The following CEP89 variants were observed in gnomAD, a reference collection of about 807,000 sequenced individuals.
The protein encoded by CEP89 is centrosomal protein of 89 kDa.
CEP89 carries 95 observed loss-of-function variants against 97.6 expected under a neutral mutation model. The ratio of observed to expected loss-of-function variants is 0.97; its 90% CI spans 0.82 to 1.15. The LOEUF (loss-of-function observed/expected upper bound fraction) is 1.15. Ranked by LOEUF, CEP89 falls within the 50% of genes most tolerant of loss-of-function variation. CEP89 has a pLI of 0.00. For missense variants in CEP89, 869 were observed against 947.7 expected, an observed-to-expected ratio of 0.92 and a Z score of 1.09; for synonymous variants, 354 against 349.1, an observed-to-expected ratio of 1.01 and a Z score of -0.16.
chr19:32,959,811 G>T, intron 3 of CEP89, 89 bp downstream of exon 3: 1 of 1,416,530 alleles, frequency 7.1e-7, no homozygotes, highest in Non-Finnish European at 9.8e-7. Flanking sequence ...GCACACACAT[G>T]TACGCATGCA....
At chr19:32,915,213 CTT>C (rs1970095926) in intron 14 of CEP89, 122 bp downstream of exon 14, 1 of 889,098 alleles carries the variant, frequency 1.1e-6, no homozygotes, top group Non-Finnish European at 1.6e-6. Flanking sequence ...AATCCCAAAA[CTT>C]TGAGAGGCTG....
intron 4 of CEP89, among the ~76,000 whole-genome samples, chr19:32,951,345 G>C (rs1970907440): frequency 6.6e-6 from 1 of 151,956 alleles, no homozygotes; most frequent in Non-Finnish European, 1.5e-5. Flanking sequence ...AATTTGCTGG[G>C]CATGGTGGCG....
chr19:32,884,830 T>C (rs1165141576), intron 17 of CEP89, among the ~76,000 whole-genome samples: 1 of 152,196 alleles, frequency 6.6e-6, no homozygotes, highest in Non-Finnish European at 1.5e-5. Context: ...CCTGAGGAGC[T>C]GGGATTATAG....
At chr19:32,952,171 C>G (rs1300842930) in intron 4 of CEP89, among the ~76,000 whole-genome samples, 3 of 152,042 alleles carry the variant, frequency 2.0e-5, no homozygotes, top group East Asian at 3.9e-4. Flanking sequence ...AAAATAAGCT[C>G]CTGAAGACCA....
In CEP89 at chr19:32,948,344, T is replaced by A. The variant is rs756912277; in HGVS notation, c.517A>T (p.Ser173Cys). 5.6e-6 allele frequency: 9 copies of A among 1,610,828 alleles called. No individual in the cohort carries two copies. The Admixed American group carries it at 1.5e-4, about 27-fold the overall frequency. ...NQVPLLHEVN[S>C]EDDENISHQD... ...TGAGAAATATTTTCATCGTCTTCACTGTTCACCTCATGTAACAATGGCACC... is the reference window on the plus strand; with the variant it reads ...TGAGAAATATTTTCATCGTCTTCACAGTTCACCTCATGTAACAATGGCACC... Residue 173 changes from serine to cysteine, a missense_variant, in exon 5 of 19, where the codon AGT (serine) becomes TGT (cysteine). Physicochemically the swap from Ser to Cys is moderately radical, Grantham distance 112. Transcript: ENST00000305768.
chr19:32,920,239 G>C (rs1023301761), intron 12 of CEP89, among the ~76,000 whole-genome samples: 11 of 151,722 alleles, frequency 7.3e-5, no homozygotes, highest in Non-Finnish European at 1.6e-4. Context: ...TTGTTTTTTT[G>C]AGACAAGGTC....
chr19:32,887,733 A>G lies in CEP89; in HGVS notation c.1965+19T>C. The stretch of plus-strand genomic sequence containing the variant: ...TTCCCATCTGAAAATGAAATCTCTG[A>G]GGCCAAATAACCACTTACCTTGACT... On this transcript the variant is annotated intron_variant, in intron 17 of 18. Transcript: ENST00000305768. 6.6e-7 allele frequency: 1 copy of G among 1,513,562 alleles called. No homozygotes were observed. Among genetic ancestry groups the G allele is most frequent in the Admixed American group, 1.7e-5 (1 of 59,144 alleles). 93.8% of individuals were successfully genotyped at this position (1,513,562 alleles called of 1,614,324 possible).
At chr19:32,954,162 T>C (rs10423939) in intron 3 of CEP89, among the ~76,000 whole-genome samples, 94,087 of 151,650 alleles carry the variant, frequency 0.62, 30,222 homozygotes, top group African/African-American at 0.79. Flanking sequence ...CGTGAGCCAC[T>C]GTGCCCGGCC....
chr19:32,966,320 G>T, intron 2 of CEP89, 40 bp downstream of exon 2: 1 of 1,207,834 alleles, frequency 8.3e-7, no homozygotes, highest in Admixed American at 2.3e-5. Context: ...TGGAGGCTGA[G>T]CACAGGGGTG....
intron 17 of CEP89, among the ~76,000 whole-genome samples, chr19:32,886,676 C>T (rs1217338167): frequency 7.2e-5 from 11 of 152,028 alleles, no homozygotes. Context: ...TATGGATTCC[C>T]CAAGCAAGGC....
Position 32,936,465 on chromosome 19 carries a change from G to A in CEP89, c.667+1166C>T, listed in dbSNP as rs150796462. ...GCAGGCAGGTCCCCGGTGAGGCCCC[G>A]CCTTCAGGTCGGAGAGGGCCTGAAG... On this transcript the variant is annotated intron_variant, in intron 7 of 18. Transcript: ENST00000305768. This position sits in a 1 kb window ranked among gnomAD's most constrained non-coding sequence, Gnocchi z 4.5. Among the ~76,000 whole-genome samples, 6 of 152,202 alleles carry A rather than the reference G, an allele frequency of 3.9e-5. No individual in the cohort carries two copies. The highest frequency in any genetic ancestry group is 1.9e-4 in the East Asian group (1 of 5,164).
intron 3 of CEP89, among the ~76,000 whole-genome samples, chr19:32,956,726 T>C (rs1971057073): frequency 6.6e-6 from 1 of 152,210 alleles, no homozygotes; most frequent in Non-Finnish European, 1.5e-5. Flanking sequence ...TGACTTTGCT[T>C]TTACTATAAA....
intron 5 of CEP89, among the ~76,000 whole-genome samples, chr19:32,940,332 C>T (rs112790663): frequency 4.0e-4 from 59 of 147,650 alleles, no homozygotes; most frequent in African/African-American, 1.4e-3. Flanking sequence ...TCACTCTCCA[C>T]ACATCTTCCC....
intron 9 of CEP89, among the ~76,000 whole-genome samples, chr19:32,927,437 G>C (rs907032404): frequency 6.6e-6 from 1 of 152,014 alleles, no homozygotes; most frequent in African/African-American, 2.4e-5. Context: ...TTGCAGAGCA[G>C]GGGTACCCCA....
rs1568570096 is a variant in CEP89 at position 32,937,690 on chromosome 19, A to AT, written c.625-18dup. 6.3e-7 allele frequency: 1 copy of AT among 1,586,384 alleles called. No homozygotes were observed. The highest frequency in any genetic ancestry group is 2.2e-5 in the East Asian group (1 of 44,756). On this transcript the variant is annotated splice_polypyrimidine_tract_variant and intron_variant, in intron 6 of 18. Transcript: ENST00000305768. Reference sequence around the variant, plus strand: ...TTTTTCATCCTAGGAAAGAAAGAACATAAGAGGAATAAGTGCAGAGCATTA... The same window carrying AT: ...TTTTTCATCCTAGGAAAGAAAGAACATTAAGAGGAATAAGTGCAGAGCATTA...
chr19:32,902,705 G>T (rs36095744), intron 14 of CEP89, among the ~76,000 whole-genome samples: 31,503 of 152,064 alleles, frequency 0.21, 3,369 homozygotes, highest in African/African-American at 0.23. Context: ...GGAAGGTCAA[G>T]GCAGCTGGAA....
chr19:32,941,827 G>A (rs539802518), intron 5 of CEP89, among the ~76,000 whole-genome samples: 2 of 152,284 alleles, frequency 1.3e-5, no homozygotes, highest in South Asian at 2.1e-4. Context: ...GCTGGGATGC[G>A]AGGGGAAAGG....
At position 32,931,578 on chromosome 19, in the gene CEP89, A is replaced by G; in HGVS notation, c.887-7T>C. The stretch of plus-strand genomic sequence containing the variant: ...AGTAATTCAGGTGCAGCAACTAGGG[A>G]AAAAAATTTAATATTATACTATAAG... On this transcript the variant is annotated splice_region_variant and splice_polypyrimidine_tract_variant and intron_variant, in intron 8 of 18. Transcript: ENST00000305768. 6.4e-7 allele frequency: 1 copy of G among 1,564,244 alleles called. No individual in the cohort carries two copies. Among genetic ancestry groups the G allele is most frequent in the South Asian group, 1.2e-5 (1 of 82,790 alleles).
chr19:32,936,671 C>T lies in CEP89; in HGVS notation c.667+960G>A, dbSNP rs1456660714. On this transcript the variant is annotated intron_variant, in intron 7 of 18. Coordinates refer to ENST00000305768, the MANE Select transcript of CEP89 (RefSeq NM_032816.5). The surrounding 1 kb of genome is among the most constrained non-coding windows in gnomAD (Gnocchi z 4.5). ...GATGACCAGCTGCAGAGAGGAGTTC[C>T]CCTCTCTGCTGATAGCTGGAGATGT... 2.0e-5 allele frequency among the ~76,000 whole-genome samples: 3 copies of T among 152,104 alleles called. No individual in the cohort carries two copies. Among genetic ancestry groups the T allele is most frequent in the Admixed American group, 6.5e-5 (1 of 15,276 alleles).
Sources: gnomAD v4.1 joint callset for allele counts (sites outside exome capture counted in the v4.1 genomes callset) on GRCh38, gnomAD v4.1.1 for gene constraint, Gnocchi (gnomAD v3.1) non-coding constraint, MANE v1.5 for transcripts, NCBI Gene and HGNC (gene_info 2026-07-23, HGNC 2026-07-21) for gene names.